KAZN: variants seen among roughly 807,000 people sequenced by gnomAD.
The protein encoded by KAZN is kazrin.
A neutral mutation model predicts 87.4 loss-of-function variants in KAZN; 40 were observed. The ratio of observed to expected loss-of-function variants is 0.46; its 90% CI spans 0.36 to 0.60. The LOEUF (loss-of-function observed/expected upper bound fraction) is 0.60. Among genes scored for constraint, KAZN ranks in the 20% least tolerant of loss-of-function variants. The pLI, the probability that KAZN is intolerant of heterozygous loss-of-function variation, is 0.00. For synonymous variants in KAZN, 466 were observed against 458.3 expected, an observed-to-expected ratio of 1.02 and a Z score of -0.22; for missense variants, 898 against 1,073.9, an observed-to-expected ratio of 0.84 and a Z score of 2.29.
chr1:14,532,573 C>G (rs972835477), intron 2 of KAZN, among the ~76,000 whole-genome samples: 6 of 149,920 alleles, frequency 4.0e-5, no homozygotes, highest in Non-Finnish European at 7.4e-5. Flanking sequence ...CACCCATTAA[C>G]TGGTCATTTA....
At chr1:14,247,736 T>C (rs1207433627) in intron 2 of KAZN, among the ~76,000 whole-genome samples, 1 of 152,264 alleles carries the variant, frequency 6.6e-6, no homozygotes, top group East Asian at 1.9e-4. Flanking sequence ...TCTTTGATAA[T>C]GTCATTTTAC....
At chr1:14,984,989 A>G (rs1443770863) in intron 2 of KAZN, among the ~76,000 whole-genome samples, 1 of 152,086 alleles carries the variant, frequency 6.6e-6, no homozygotes, top group Non-Finnish European at 1.5e-5. Context: ...TACAAAAATT[A>G]GCCAGGCGTG....
chr1:14,272,252 T>A (rs1160248204), intron 2 of KAZN, among the ~76,000 whole-genome samples: 1 of 152,158 alleles, frequency 6.6e-6, no homozygotes, highest in African/African-American at 2.4e-5. Context: ...CAGATGTCTC[T>A]CACCTTCTCC....
chr1:14,985,255 CCAAGGTGGGAGGCCAAGGTGGGAGGCCAA>C (rs1557686911), intron 2 of KAZN, among the ~76,000 whole-genome samples: 7 of 134,152 alleles, frequency 5.2e-5, no homozygotes, highest in African/African-American at 1.9e-4. Context: ...TGGTGGGAGG[CCAAGGTGGGAGGCCAAGGTGGGAGGCCAA>C]GGTGGGAGGC....
intron 1 of KAZN, among the ~76,000 whole-genome samples, chr1:14,847,490 C>T (rs1648923458): frequency 6.6e-6 from 1 of 152,218 alleles, no homozygotes; most frequent in South Asian, 2.1e-4. Context: ...TTGACTCCCA[C>T]CTCCATAGTC....
intron 1 of KAZN, among the ~76,000 whole-genome samples, chr1:14,603,402 A>G (rs1029899982): frequency 1.3e-5 from 2 of 152,210 alleles, no homozygotes; most frequent in Non-Finnish European, 2.9e-5. Context: ...CTAACCTGTC[A>G]TGGGATGGGG....
chr1:14,616,897 A>T (rs544599474), intron 1 of KAZN, among the ~76,000 whole-genome samples: 4 of 152,148 alleles, frequency 2.6e-5, no homozygotes, highest in African/African-American at 9.7e-5. Context: ...TCAAATCGCT[A>T]TTAACTCCAG....
At chr1:14,895,895 T>C (rs929500896) in intron 1 of KAZN, among the ~76,000 whole-genome samples, 3 of 152,182 alleles carry the variant, frequency 2.0e-5, no homozygotes, top group Non-Finnish European at 4.4e-5. Context: ...GAGGGGAGGC[T>C]GCTTTCATTT....
chr1:15,029,867 C>T (rs1389411333), intron 2 of KAZN, among the ~76,000 whole-genome samples: 3 of 152,198 alleles, frequency 2.0e-5, no homozygotes, highest in African/African-American at 7.2e-5. Context: ...TGAGTAGCAG[C>T]TTCTTTCCAC....
At chr1:14,126,239 T>C (rs925142296) in intron 1 of KAZN, among the ~76,000 whole-genome samples, 6 of 152,158 alleles carry the variant, frequency 3.9e-5, no homozygotes, top group Non-Finnish European at 8.8e-5. Flanking sequence ...CTTTCTCTCA[T>C]TGTGGGTTTC....
At chr1:14,791,951 G>A (rs920785009) in intron 1 of KAZN, among the ~76,000 whole-genome samples, 1 of 152,208 alleles carries the variant, frequency 6.6e-6, no homozygotes, top group African/African-American at 2.4e-5. Context: ...CATTAGCCGG[G>A]GTGACCTCGG....
chr1:14,639,065 C>T (rs953652189), intron 1 of KAZN, among the ~76,000 whole-genome samples: 1 of 152,188 alleles, frequency 6.6e-6, no homozygotes, highest in African/African-American at 2.4e-5. Flanking sequence ...TGCCTCAGTC[C>T]CTGAAACGCA....
chr1:14,320,714 TTTC>T (rs1038132362), intron 2 of KAZN, among the ~76,000 whole-genome samples: 7 of 152,228 alleles, frequency 4.6e-5, no homozygotes, highest in African/African-American at 9.6e-5. Context: ...ACAGTGACTT[TTTC>T]TTAGAAAAAC....
At chr1:14,819,012 G>T (rs576080523) in intron 1 of KAZN, among the ~76,000 whole-genome samples, 3 of 152,184 alleles carry the variant, frequency 2.0e-5, no homozygotes. Context: ...CCGAGATCGT[G>T]CCATTGCACT....
In KAZN at chr1:14,883,182, T is replaced by C. The variant is rs539168506; in HGVS notation, c.227-77502T>C. Among the ~76,000 whole-genome samples the C allele has an allele frequency of 9.8e-3, 1,483 of 151,234 alleles. 14 individuals carry two copies. The highest frequency in any genetic ancestry group is 0.014 in the Non-Finnish European group (929 of 67,778). On this transcript the variant is annotated intron_variant, in intron 1 of 14. Transcript: ENST00000376030. ...TGATGGCACATGCCTGTAATCCCAG[T>C]TACTCAGGAGGCTGAGGCAGGAGAA...
At chr1:14,622,379 G>T (rs1279898346) in intron 1 of KAZN, among the ~76,000 whole-genome samples, 1 of 152,154 alleles carries the variant, frequency 6.6e-6, no homozygotes, top group Non-Finnish European at 1.5e-5. Flanking sequence ...AGGTATCTTT[G>T]AGATTTCTTG....
At position 14,598,733 on chromosome 1, in the gene KAZN, C is replaced by T; in HGVS notation, c.-265C>T. 8 of 1,327,804 alleles carry T rather than the reference C, an allele frequency of 6.0e-6. No homozygotes were observed. Among genetic ancestry groups the T allele is most frequent in the Admixed American group, 4.2e-5 (1 of 23,656 alleles). 82.3% of individuals were successfully genotyped at this position (1,327,804 alleles called of 1,614,324 possible). ...CCGCCCGCCGGGGTCTCGGCGATCGCTGCTCCTCCTCCTCCTTCTCCTCCT... is the reference window on the plus strand; with the variant it reads ...CCGCCCGCCGGGGTCTCGGCGATCGTTGCTCCTCCTCCTCCTTCTCCTCCT... On this transcript the variant is annotated 5_prime_UTR_variant, in exon 1 of 15. Transcript: ENST00000376030. The surrounding 1 kb of genome is among the most constrained non-coding windows in gnomAD (Gnocchi z 4.2).
chr1:14,491,784 T>C (rs1669663551), intron 2 of KAZN, among the ~76,000 whole-genome samples: 1 of 152,202 alleles, frequency 6.6e-6, no homozygotes, highest in Non-Finnish European at 1.5e-5. Context: ...TCCCCTTTGT[T>C]CTATTTAATA....
intron 1 of KAZN, among the ~76,000 whole-genome samples, chr1:14,734,518 G>T (rs1643831135): frequency 6.6e-6 from 1 of 151,976 alleles, no homozygotes; most frequent in Non-Finnish European, 1.5e-5. Flanking sequence ...TCTCCATGTT[G>T]GTCAGGCTGG....
Sources: gnomAD v4.1 joint callset for allele counts (sites outside exome capture counted in the v4.1 genomes callset) on GRCh38, gnomAD v4.1.1 for gene constraint, Gnocchi (gnomAD v3.1) non-coding constraint, MANE v1.5 for transcripts, NCBI Gene and HGNC (gene_info 2026-07-23, HGNC 2026-07-21) for gene names.